The following MYO3A variants were observed in gnomAD, a reference collection of about 807,000 sequenced individuals.
MYO3A encodes the protein myosin IIIA, also known as myosin-IIIa.
Under a neutral mutation model 192.7 loss-of-function variants are expected in MYO3A, and 180 were observed. The observed-to-expected ratio is 0.93, with a 90% CI of 0.83 to 1.06. MYO3A has a LOEUF of 1.06. Among genes scored for constraint, MYO3A ranks in the 50% least tolerant of loss-of-function variants. MYO3A has a pLI of 0.00. For synonymous variants in MYO3A, 628 were observed against 645.3 expected, an observed-to-expected ratio of 0.97 and a Z score of 0.41; for missense variants, 1,896 against 1,905.0, an observed-to-expected ratio of 1.00 and a Z score of 0.09.
chr10:25,980,072 T>TA (rs1301085919), intron 4 of MYO3A, among the ~76,000 whole-genome samples: 1 of 151,896 alleles, frequency 6.6e-6, no homozygotes, highest in East Asian at 1.9e-4. Flanking sequence ...CCTTCTGTAC[T>TA]AAAAAATACA....
intron 14 of MYO3A, among the ~76,000 whole-genome samples, chr10:26,083,799 G>A (rs1205587167): frequency 6.6e-6 from 1 of 152,096 alleles, no homozygotes. Flanking sequence ...TCTTCTCAAC[G>A]TAAAGAAACT....
intron 10 of MYO3A, among the ~76,000 whole-genome samples, chr10:26,032,948 A>G (rs1842868887): frequency 6.6e-6 from 1 of 152,196 alleles, no homozygotes; most frequent in South Asian, 2.1e-4. Context: ...TGCTATCCCC[A>G]CTGCTTTTCT....
intron 10 of MYO3A, among the ~76,000 whole-genome samples, chr10:26,064,832 A>G (rs999552187): frequency 7.2e-5 from 11 of 152,176 alleles, no homozygotes; most frequent in Admixed American, 7.2e-4. Context: ...ATGAAGAATC[A>G]TAGGAAGGAG....
At position 26,195,322 on chromosome 10, in the gene MYO3A, A is replaced by G. The variant is rs983141900; in HGVS notation, c.4545+2011A>G. ...ATCTCTTGAGTTTCTGTTTCTCTCC[A>G]TGCTCTGTGCTAATACCCTCTTCCA... On this transcript the variant is annotated intron_variant, in intron 32 of 34. Coordinates refer to ENST00000642920, the MANE Select transcript of MYO3A (RefSeq NM_017433.5). 4.6e-5 allele frequency among the ~76,000 whole-genome samples: 7 copies of G among 152,222 alleles called. No individual in the cohort carries two copies. The South Asian group carries it at 8.3e-4, about 18-fold the overall frequency.
At chr10:26,162,445 A>G (rs1283913289) in intron 26 of MYO3A, among the ~76,000 whole-genome samples, 1 of 152,228 alleles carries the variant, frequency 6.6e-6, no homozygotes, top group Non-Finnish European at 1.5e-5. Context: ...TCTTTCTTGC[A>G]TAAGCTATCT....
chr10:26,125,396 A>T lies in MYO3A; in HGVS notation c.1904-2A>T. ...CTAACAATGCATCTGTTTGTTTTTCAGGTGCTTCTTTGCTTTGCATTCGGG... is the reference window on the plus strand; with the variant it reads ...CTAACAATGCATCTGTTTGTTTTTCTGGTGCTTCTTTGCTTTGCATTCGGG... On this transcript the variant is annotated splice_acceptor_variant, in intron 18 of 34. Coordinates refer to ENST00000642920, the MANE Select transcript of MYO3A (RefSeq NM_017433.5). LOFTEE classifies it high-confidence loss of function. The T allele has an allele frequency of 6.2e-7, 1 of 1,613,878 alleles. No homozygotes were observed. The highest frequency in any genetic ancestry group is 1.1e-5 in the South Asian group (1 of 91,068).
At chr10:26,032,354 C>T (rs186388317) in intron 10 of MYO3A, among the ~76,000 whole-genome samples, 6 of 152,296 alleles carry the variant, frequency 3.9e-5, no homozygotes, top group Admixed American at 2.6e-4. Context: ...CCGTGGCTCA[C>T]GCCTGTAATC....
intron 17 of MYO3A, among the ~76,000 whole-genome samples, chr10:26,096,933 T>C (rs1837077001): frequency 6.6e-6 from 1 of 151,096 alleles, no homozygotes; most frequent in Non-Finnish European, 1.5e-5. Context: ...TATACATATA[T>C]GGGAAATATA....
Position 26,168,699 on chromosome 10 carries a change from T to A in MYO3A, c.3112-13T>A, listed in dbSNP as rs1391754134. The A allele has an allele frequency of 6.2e-7, 1 of 1,610,242 alleles. No homozygotes were observed. Among genetic ancestry groups the A allele is most frequent in the Non-Finnish European group, 8.5e-7 (1 of 1,177,804 alleles). On this transcript the variant is annotated splice_polypyrimidine_tract_variant and intron_variant, in intron 27 of 34. Coordinates refer to ENST00000642920, the MANE Select transcript of MYO3A (RefSeq NM_017433.5). The stretch of plus-strand genomic sequence containing the variant: ...TGTGCCATGGTTCTTTGTATTATAT[T>A]TTAATTTTTCAGGTGTTCCTTAAGT...
intron 6 of MYO3A, among the ~76,000 whole-genome samples, chr10:26,012,722 C>G (rs1361949620): frequency 6.6e-6 from 1 of 151,944 alleles, no homozygotes; most frequent in African/African-American, 2.4e-5. Flanking sequence ...TTATTTTTCA[C>G]AGAATTAGAA....
chr10:26,073,096 T>C (rs1325767598), intron 14 of MYO3A, among the ~76,000 whole-genome samples: 1 of 151,838 alleles, frequency 6.6e-6, no homozygotes, highest in Non-Finnish European at 1.5e-5. Context: ...TGATGGCACA[T>C]GCCTATAGTC....
chr10:26,168,987 C>A, intron 28 of MYO3A, 113 bp downstream of exon 28: 3 of 1,028,438 alleles, frequency 2.9e-6, no homozygotes, highest in Non-Finnish European at 4.2e-6. Flanking sequence ...GACTGTGTTG[C>A]CTTGATACTT....
intron 14 of MYO3A, among the ~76,000 whole-genome samples, chr10:26,082,547 A>G (rs530603605): frequency 2.0e-5 from 3 of 152,336 alleles, no homozygotes; most frequent in South Asian, 2.1e-4. Flanking sequence ...CTTACCCCAC[A>G]GGGGATATGA....
chr10:25,934,475 C>G (rs1330420488), intron 1 of MYO3A, 147 bp downstream of exon 1: 1 of 152,012 alleles, frequency 6.6e-6, no homozygotes, highest in Non-Finnish European at 1.5e-5. Context: ...GCCGCGACCG[C>G]CCGCCCGCCC....
chr10:26,114,983 A>G (rs1388928233), intron 17 of MYO3A, among the ~76,000 whole-genome samples: 1 of 152,224 alleles, frequency 6.6e-6, no homozygotes, highest in Non-Finnish European at 1.5e-5. Flanking sequence ...TAACAAAATA[A>G]CATGGAATGC....
At position 26,026,465 on chromosome 10, in the gene MYO3A, A is replaced by G; in HGVS notation, c.886A>G (p.Met296Val). ...TACTCAAATTGAGGGCAAAGATGTGATGCTACAAAAACAACTAACGGAATT... is the reference window on the plus strand; with the variant it reads ...TACTCAAATTGAGGGCAAAGATGTGGTGCTACAAAAACAACTAACGGAATT... Reference protein sequence around the residue: ...FITQIEGKDVMLQKQLTEFIG... With the variant: ...FITQIEGKDVVLQKQLTEFIG... The change falls in exon 10 of 35, where the codon ATG (methionine) becomes GTG (valine). Residue 296 changes from methionine (M) to valine (V), a missense_variant. Coordinates refer to ENST00000642920, the MANE Select transcript of MYO3A (RefSeq NM_017433.5). 1.2e-6 allele frequency: 2 copies of G among 1,614,180 alleles called. No homozygotes were observed. The highest frequency in any genetic ancestry group is 2.2e-5 in the South Asian group (2 of 91,082).
intron 10 of MYO3A, 129 bp downstream of exon 10, chr10:26,026,661 C>T (rs1842561320): frequency 9.3e-6 from 10 of 1,072,100 alleles, no homozygotes; most frequent in Admixed American, 2.0e-5. Context: ...AAGTGAATGT[C>T]ACCTGTTGAA....
chr10:26,199,202 G>A (rs1010673023), intron 32 of MYO3A, among the ~76,000 whole-genome samples: 5 of 152,104 alleles, frequency 3.3e-5, no homozygotes, highest in African/African-American at 1.2e-4. Context: ...CTTATATTAT[G>A]AGCCATCTTA....
chr10:25,944,459 T>C (rs1325646408), intron 2 of MYO3A, among the ~76,000 whole-genome samples: 1 of 152,068 alleles, frequency 6.6e-6, no homozygotes, highest in Non-Finnish European at 1.5e-5. Context: ...TTGGAAGAGT[T>C]TGAGAAGGAT....
Sources: allele counts gnomAD v4.1 joint callset (sites outside exome capture counted in the v4.1 genomes callset), GRCh38; gene constraint gnomAD v4.1.1; transcripts MANE v1.5; gene names NCBI Gene and HGNC (gene_info 2026-07-23, HGNC 2026-07-21).